The following ARMC3 variants were observed in gnomAD, a reference collection of about 807,000 sequenced individuals.
The protein encoded by ARMC3 is armadillo repeat-containing protein 3.
A neutral mutation model predicts 90.3 loss-of-function variants in ARMC3; 74 were observed. The observed-to-expected ratio is 0.82, with a 90% CI of 0.68 to 0.99. The LOEUF (loss-of-function observed/expected upper bound fraction) is 0.99, where lower values mean the gene tolerates loss of function less well. ARMC3 is among the 50% of genes least tolerant of loss of function. The probability of loss-of-function intolerance (pLI) is 0.00; values close to 1 mark genes in which losing one functional copy is unlikely to be tolerated. For synonymous variants in ARMC3, 334 were observed against 361.8 expected, an observed-to-expected ratio of 0.92 and a Z score of 0.87; for missense variants, 958 against 1,042.8, an observed-to-expected ratio of 0.92 and a Z score of 1.12.
chr10:23,032,776 A>G, intron 17 of ARMC3, 85 bp from the exon 18 acceptor site: 2 of 1,319,180 alleles, frequency 1.5e-6, no homozygotes, highest in South Asian at 2.9e-5. Context: ...TCATTTTTAC[A>G]TGTATATTTA....
chr10:23,015,068 T>C (rs1028192357), intron 16 of ARMC3, among the ~76,000 whole-genome samples: 1 of 148,880 alleles, frequency 6.7e-6, no homozygotes, highest in Non-Finnish European at 1.5e-5. Context: ...AACCATGGAG[T>C]GCTACATTTT....
At chr10:23,001,767 C>G (rs1271334845) in intron 11 of ARMC3, 152 bp from the exon 12 acceptor site, 1 of 998,108 alleles carries the variant, frequency 1.0e-6, no homozygotes, top group Non-Finnish European at 1.4e-6. Flanking sequence ...AGATTTTTCA[C>G]CCCTGAATTT....
At chr10:23,008,637 C>T (rs550289892) in intron 15 of ARMC3, among the ~76,000 whole-genome samples, 178 bp from the exon 16 acceptor site, 29 of 152,260 alleles carry the variant, frequency 1.9e-4, no homozygotes, top group African/African-American at 4.6e-4. Flanking sequence ...GTTTCCTTAG[C>T]TGTGGACGAA....
At chr10:22,979,610 T>G (rs1564368679) in intron 8 of ARMC3, among the ~76,000 whole-genome samples, 1 of 152,196 alleles carries the variant, frequency 6.6e-6, no homozygotes, top group Non-Finnish European at 1.5e-5. Context: ...AAATTTGGTT[T>G]AGAGCCATCA....
intron 10 of ARMC3, among the ~76,000 whole-genome samples, chr10:22,981,906 A>C (rs902290245): frequency 6.6e-6 from 1 of 152,088 alleles, no homozygotes; most frequent in Non-Finnish European, 1.5e-5. Context: ...ACTGTTTCTG[A>C]GTTTGTTGGG....
intron 6 of ARMC3, chr10:22,961,564 C>CA: frequency 4.2e-6 from 1 of 237,838 alleles, no homozygotes; most frequent in Non-Finnish European, 8.1e-6. Flanking sequence ...GCAGTATATC[C>CA]AAGTGTGAGA....
intron 16 of ARMC3, among the ~76,000 whole-genome samples, chr10:23,019,506 TC>T (rs1838421034): frequency 6.6e-6 from 1 of 152,152 alleles, no homozygotes; most frequent in African/African-American, 2.4e-5. Context: ...CCTGGTATTT[TC>T]TATTTGTTCT....
intron 2 of ARMC3, among the ~76,000 whole-genome samples, chr10:22,943,112 C>A (rs1834383948): frequency 6.6e-6 from 1 of 152,068 alleles, no homozygotes; most frequent in Non-Finnish European, 1.5e-5. Flanking sequence ...ATGTTCTATA[C>A]CTTAGTTGGA....
chr10:22,988,399 A>G (rs1272240396), intron 10 of ARMC3, among the ~76,000 whole-genome samples: 1 of 152,212 alleles, frequency 6.6e-6, no homozygotes, highest in Non-Finnish European at 1.5e-5. Flanking sequence ...GAGGGGCATG[A>G]TCTTAATGAT....
intron 4 of ARMC3, 56 bp downstream of exon 4, chr10:22,955,988 C>A (rs11013203): frequency 0.085 from 121,558 of 1,430,892 alleles, 5,812 homozygotes; most frequent in Middle Eastern, 0.1. Flanking sequence ...CATTATCATT[C>A]TTTTAAATTT....
intron 8 of ARMC3, among the ~76,000 whole-genome samples, chr10:22,976,659 G>T (rs1460105337): frequency 6.6e-6 from 1 of 152,080 alleles, no homozygotes; most frequent in Non-Finnish European, 1.5e-5. Context: ...TAATGTTTCA[G>T]CTGCCTCCTT....
intron 16 of ARMC3, among the ~76,000 whole-genome samples, chr10:23,010,352 T>A (rs1837873726): frequency 8.4e-6 from 1 of 118,450 alleles, no homozygotes; most frequent in African/African-American, 3.3e-5. Flanking sequence ...TATCTCTCCT[T>A]CCCTTTCCCT....
intron 7 of ARMC3, among the ~76,000 whole-genome samples, chr10:22,964,200 C>T (rs7905655): frequency 0.065 from 9,892 of 151,976 alleles, 1,041 homozygotes; most frequent in African/African-American, 0.23. Flanking sequence ...GATAAATTTA[C>T]CAAACTTTTT....
At chr10:22,992,062 G>C (rs990337990) in intron 10 of ARMC3, among the ~76,000 whole-genome samples, 2 of 152,190 alleles carry the variant, frequency 1.3e-5, no homozygotes, top group Non-Finnish European at 2.9e-5. Flanking sequence ...CTGATGGCAG[G>C]TAGTTAATTA....
chr10:22,961,762 G>A, intron 6 of ARMC3, 122 bp from the exon 7 acceptor site: 1 of 760,034 alleles, frequency 1.3e-6, no homozygotes, highest in East Asian at 2.9e-5. Flanking sequence ...TTTTGGAAGG[G>A]AATCTGGAAT....
chr10:23,006,709 C>T, intron 13 of ARMC3, 175 bp from the exon 14 acceptor site: 1 of 574,422 alleles, frequency 1.7e-6, no homozygotes. Flanking sequence ...AAGGCAAGAA[C>T]ATCCACAAGC....
rs181471466 is a variant in ARMC3 at position 23,005,636 on chromosome 10, G to A, written c.1732-1248G>A. ...TCCCAGCACTTTGGGAGGCCGAGGC[G>A]GGTGGATCACCTGAGGTTAGGAGTT... On this transcript the variant is annotated intron_variant, in intron 13 of 18. Transcript: ENST00000298032. Among the ~76,000 whole-genome samples, 5 of 152,272 alleles carry A rather than the reference G, an allele frequency of 3.3e-5. No individual in the cohort carries two copies. The East Asian group carries it at 5.8e-4, about 18-fold the overall frequency.
chr10:22,952,036 A>C (rs901151670), intron 3 of ARMC3, among the ~76,000 whole-genome samples: 5 of 152,094 alleles, frequency 3.3e-5, no homozygotes, highest in Admixed American at 3.3e-4. Context: ...GAGGCAGGGG[A>C]ATCTCTTGAA....
chr10:22,994,108 C>T (rs1438861371), intron 10 of ARMC3, among the ~76,000 whole-genome samples: 1 of 152,194 alleles, frequency 6.6e-6, no homozygotes, highest in Non-Finnish European at 1.5e-5. Context: ...CACACAAATG[C>T]TCTGAGCTCA....
Sources: gnomAD v4.1 joint callset for allele counts (sites outside exome capture counted in the v4.1 genomes callset) on GRCh38, gnomAD v4.1.1 for gene constraint, MANE v1.5 for transcripts, NCBI Gene and HGNC (gene_info 2026-07-23, HGNC 2026-07-21) for gene names.